The following SYT14 variants were observed in gnomAD, a reference collection of about 807,000 sequenced individuals.
SYT14 encodes the protein synaptotagmin 14.
Under a neutral mutation model 74.2 loss-of-function variants are expected in SYT14, and 32 were observed. The observed-to-expected ratio is 0.43, with a 90% CI of 0.33 to 0.58. The LOEUF is 0.58. Among genes scored for constraint, SYT14 ranks in the 20% least tolerant of loss-of-function variants. The pLI is 0.05. For synonymous variants in SYT14, 298 were observed against 337.7 expected (o/e 0.88, Z 1.29); for missense variants, 791 against 981.8 (o/e 0.81, Z 2.60).
At chr1:210,053,247 C>G (rs2081036180) in intron 5 of SYT14, among the ~76,000 whole-genome samples, 3 of 152,134 alleles carry the variant, frequency 2.0e-5, no homozygotes, top group Admixed American at 2.0e-4. Context: ...TGAATGCCTG[C>G]TATGCTATGC....
exon 9 of SYT14, chr1:210,159,473 C>A (rs2083331438): frequency 3.2e-6 from 5 of 1,551,226 alleles, no homozygotes. Flanking sequence ...TTTATATAAT[C>A]CGAGGTGAGT....
At chr1:210,074,616 T>C (rs2081456106) in intron 5 of SYT14, among the ~76,000 whole-genome samples, 1 of 152,220 alleles carries the variant, frequency 6.6e-6, no homozygotes, top group African/African-American at 2.4e-5. Context: ...GTAAATTCTT[T>C]ACTGTCGGAA....
chr1:209,992,435 AAGTC>A (rs775753860), intron 2 of SYT14, among the ~76,000 whole-genome samples: 3 of 152,174 alleles, frequency 2.0e-5, no homozygotes, highest in South Asian at 2.1e-4. Context: ...AAAAAACAGA[AAGTC>A]AGATGCTGCA....
chr1:210,107,121 G>A (rs1194322679), intron 7 of SYT14, among the ~76,000 whole-genome samples: 1 of 152,224 alleles, frequency 6.6e-6, no homozygotes, highest in Non-Finnish European at 1.5e-5. Context: ...TTGACTCCAT[G>A]TCTGACATCC....
intron 1 of SYT14, among the ~76,000 whole-genome samples, 172 bp downstream of exon 1, chr1:209,938,449 C>T (rs868606358): frequency 6.6e-6 from 1 of 151,720 alleles, no homozygotes; most frequent in Non-Finnish European, 1.5e-5. Context: ...GGCGGAGCGG[C>T]GCCGCTGGGA....
chr1:210,089,097 T>A (rs1012730707), intron 5 of SYT14, among the ~76,000 whole-genome samples: 1 of 152,166 alleles, frequency 6.6e-6, no homozygotes, highest in Non-Finnish European at 1.5e-5. Flanking sequence ...TTCTCATTGT[T>A]CAATTCCCAC....
At chr1:210,118,378 A>G (rs1221399872) in intron 7 of SYT14, among the ~76,000 whole-genome samples, 2 of 152,180 alleles carry the variant, frequency 1.3e-5, no homozygotes, top group South Asian at 2.1e-4. Context: ...TGCCTTCTTC[A>G]TTATTATCAA....
chr1:209,956,253 G>A (rs1352324568), intron 2 of SYT14, among the ~76,000 whole-genome samples: 1 of 149,918 alleles, frequency 6.7e-6, no homozygotes, highest in Non-Finnish European at 1.5e-5. Flanking sequence ...ATTACTCAAG[G>A]TACTGTTAGC....
chr1:210,021,267 G>A lies in SYT14; in HGVS notation c.1312+13G>A, dbSNP rs1235370429. ...TCAATAGATGAAGGTAAGATGGGCT[G>A]TTTTATTTTTTTTACATGACACACT... On this transcript the variant is annotated intron_variant, in intron 5 of 9. Coordinates refer to ENST00000637265, the Ensembl canonical transcript of SYT14. 1 of 1,609,614 alleles carries A rather than the reference G, an allele frequency of 6.2e-7. No homozygotes were observed. The highest frequency in any genetic ancestry group is 2.2e-5 in the East Asian group (1 of 44,810).
chr1:209,951,731 A>G (rs944809460), intron 1 of SYT14, among the ~76,000 whole-genome samples: 2 of 152,216 alleles, frequency 1.3e-5, no homozygotes, highest in Admixed American at 6.5e-5. Context: ...TAGAATTGAA[A>G]TTTATGCATA....
intron 5 of SYT14, among the ~76,000 whole-genome samples, chr1:210,050,194 T>C (rs140443934): frequency 0.035 from 5,281 of 152,276 alleles, 615 homozygotes; most frequent in Admixed American, 0.23. Flanking sequence ...AGAAATTTCT[T>C]CCGCCAGATA....
At chr1:210,156,834 A>G (rs1347171274) in intron 8 of SYT14, 11 of 337,234 alleles carry the variant, frequency 3.3e-5, no homozygotes, top group South Asian at 2.4e-4. Context: ...CTGGGACTAC[A>G]GGCACCCACC....
At chr1:209,995,010 G>A (rs1454062129) in intron 2 of SYT14, among the ~76,000 whole-genome samples, 2 of 152,136 alleles carry the variant, frequency 1.3e-5, no homozygotes. Context: ...ACATGGAATC[G>A]TAAGAACAAT....
intron 2 of SYT14, among the ~76,000 whole-genome samples, chr1:209,957,530 G>A (rs573983404): frequency 1.8e-3 from 273 of 152,000 alleles, no homozygotes; most frequent in African/African-American, 6.1e-3. Context: ...GGGTTCAGGG[G>A]ATTCTCCTGC....
rs187325586 is a variant in SYT14, at chr1:210,027,911, A to G, written c.1312+6657A>G. 4.1e-3 allele frequency among the ~76,000 whole-genome samples: 631 copies of G among 152,274 alleles called. 10 individuals are homozygous for G. Among genetic ancestry groups the G allele is most frequent in the African/African-American group, 0.014 (596 of 41,564 alleles). ...TTCCTTATTGTGATAAGATATATAC[A>G]TCACAAAACATCACTTTAATAATGT... is the stretch of plus-strand genomic sequence containing the variant. On this transcript the variant is annotated intron_variant, in intron 5 of 9. Transcript: ENST00000637265.
At chr1:210,124,552 AC>A (rs2082529480) in intron 7 of SYT14, among the ~76,000 whole-genome samples, 1 of 152,126 alleles carries the variant, frequency 6.6e-6, no homozygotes, top group African/African-American at 2.4e-5. Flanking sequence ...ATCCGGAAAG[AC>A]CCCCTGATGA....
chr1:210,123,782 C>T (rs1287807766), intron 7 of SYT14, among the ~76,000 whole-genome samples: 1 of 151,846 alleles, frequency 6.6e-6, no homozygotes, highest in Non-Finnish European at 1.5e-5. Flanking sequence ...AAAGCCTCCA[C>T]CAGGAAAGAG....
At chr1:210,087,725 C>T (rs559017523) in intron 5 of SYT14, among the ~76,000 whole-genome samples, 5 of 152,208 alleles carry the variant, frequency 3.3e-5, no homozygotes, top group Admixed American at 6.5e-5. Context: ...TGACTCCACT[C>T]CCTGGTATGG....
chr1:210,031,660 A>G (rs2080538354), intron 5 of SYT14, among the ~76,000 whole-genome samples: 1 of 152,060 alleles, frequency 6.6e-6, no homozygotes, highest in African/African-American at 2.4e-5. Flanking sequence ...GAATTGGTTT[A>G]TTTCACCTAG....
Sources: gnomAD v4.1 joint callset for allele counts (sites outside exome capture counted in the v4.1 genomes callset) on GRCh38, gnomAD v4.1.1 for gene constraint, MANE v1.5 for transcripts, NCBI Gene and HGNC (gene_info 2026-07-23, HGNC 2026-07-21) for gene names.